Variants in TJP2 observed in about 807,000 individuals in gnomAD.
TJP2 encodes Friedreich ataxia region gene X104 (tight junction protein ZO-2).
A neutral mutation model predicts 133.1 loss-of-function variants in TJP2; 91 were observed. That is an observed-to-expected ratio of 0.68 (90% CI 0.58 to 0.81). The LOEUF (loss-of-function observed/expected upper bound fraction) is 0.81, where lower values mean the gene tolerates loss of function less well. Ranked by LOEUF, TJP2 falls within the 40% of genes least tolerant of loss-of-function variation. TJP2 has a pLI of 0.00. For missense variants in TJP2, 1,541 were observed against 1,565.6 expected (o/e 0.98, Z 0.26); for synonymous variants, 592 against 583.4 (o/e 1.01, Z -0.21).
intron 2 of TJP2, among the ~76,000 whole-genome samples, chr9:69,154,911 A>G (rs1823665591): frequency 6.6e-6 from 1 of 152,164 alleles, no homozygotes; most frequent in Admixed American, 6.5e-5. Context: ...TCACCCCATC[A>G]TATAGGCTTA....
chr9:69,154,366 T>C (rs1037822150), intron 2 of TJP2, among the ~76,000 whole-genome samples: 2 of 152,206 alleles, frequency 1.3e-5, no homozygotes, highest in South Asian at 2.1e-4. Context: ...CAAACCGCTC[T>C]GGACCTGAGG....
At chr9:69,154,783 A>T (rs1823657473) in intron 2 of TJP2, among the ~76,000 whole-genome samples, 1 of 151,616 alleles carries the variant, frequency 6.6e-6, no homozygotes, top group South Asian at 2.1e-4. Flanking sequence ...AATTTTATAT[A>T]AAAAAATTAA....
chr9:69,254,186 C>T (rs1563966472), intron 22 of TJP2, 23 bp from the exon 23 acceptor site: 2 of 1,614,188 alleles, frequency 1.2e-6, no homozygotes, highest in East Asian at 2.2e-5. Flanking sequence ...TCTGGAATGT[C>T]TTTAACACCC....
chr9:69,169,357 T>C (rs1256604378), upstream of TJP2, among the ~76,000 whole-genome samples: 1 of 125,686 alleles, frequency 8.0e-6, no homozygotes, highest in East Asian at 2.6e-4. Context: ...CTTTTCTCTT[T>C]TTTTTTTTTT....
intron 17 of TJP2, chr9:69,246,097 G>C (rs1830907962): frequency 6.2e-6 from 1 of 160,014 alleles, no homozygotes; most frequent in African/African-American, 2.4e-5. Context: ...CATTGTATTA[G>C]GAATTATAAG....
chr9:69,130,134 C>G (rs1275725015), intron 1 of TJP2, among the ~76,000 whole-genome samples: 1 of 152,058 alleles, frequency 6.6e-6, no homozygotes, highest in Non-Finnish European at 1.5e-5. Context: ...AGCTGCACGG[C>G]AGTGTTTTTC....
At chr9:69,235,502 T>C (rs1481723801) in intron 12 of TJP2, among the ~76,000 whole-genome samples, 1 of 151,938 alleles carries the variant, frequency 6.6e-6, no homozygotes, top group Admixed American at 6.6e-5. Context: ...TTTTGTATTT[T>C]TAGTAGAGAC....
chr9:69,127,795 T>G (rs2133221778), intron 1 of TJP2, among the ~76,000 whole-genome samples: 1 of 76,716 alleles, frequency 1.3e-5, no homozygotes, highest in Non-Finnish European at 3.0e-5. Flanking sequence ...GGTTTATCTA[T>G]GGGAGCCGTG....
At chr9:69,249,160 C>A (rs1831145985) in intron 19 of TJP2, 21 of 985,338 alleles carry the variant, frequency 2.1e-5, no homozygotes, top group Non-Finnish European at 2.5e-5. Context: ...AAAAATTGTG[C>A]TTTAAAGGAA....
intron 1 of TJP2, among the ~76,000 whole-genome samples, chr9:69,195,787 C>T (rs867874943): frequency 6.6e-6 from 1 of 152,178 alleles, no homozygotes; most frequent in Non-Finnish European, 1.5e-5. Context: ...GACTCGACTC[C>T]CTTTCTGCAC....
At chr9:69,207,053 G>C (rs919045600) in intron 1 of TJP2, among the ~76,000 whole-genome samples, 4 of 152,086 alleles carry the variant, frequency 2.6e-5, no homozygotes, top group African/African-American at 9.7e-5. Flanking sequence ...TCTGCCTCCT[G>C]CCCAGGTCAC....
intron 2 of TJP2, among the ~76,000 whole-genome samples, chr9:69,213,749 G>C (rs568014493): frequency 3.3e-5 from 5 of 152,114 alleles, no homozygotes; most frequent in Non-Finnish European, 7.3e-5. Context: ...CTTTCCCTGA[G>C]CATTTCATGC....
At chr9:69,156,269 C>G (rs1031105595) in intron 2 of TJP2, among the ~76,000 whole-genome samples, 84 of 152,238 alleles carry the variant, frequency 5.5e-4, no homozygotes, top group African/African-American at 2.0e-3. Context: ...GAAGCTGAGG[C>G]ACCAGAACTG....
chr9:69,132,145 C>T (rs1452980760), intron 1 of TJP2, among the ~76,000 whole-genome samples: 3 of 152,176 alleles, frequency 2.0e-5, no homozygotes, highest in African/African-American at 4.8e-5. Flanking sequence ...CTCACTGCCC[C>T]GGGTTTTTAC....
chr9:69,138,160 G>A lies in TJP2; in HGVS notation c.-130-13491G>A, dbSNP rs150596760. ...TTCTCTCATCTTGAACCAACGTTCC[G>A]CCCGTTCCATACCCAGACCCTCCAT... On this transcript the variant is annotated intron_variant, in intron 1 of 5. Coordinates refer to the TJP2 transcript ENST00000423935. 2.7e-3 allele frequency among the ~76,000 whole-genome samples: 415 copies of A among 152,160 alleles called. 2 individuals carry two copies. The highest frequency in any genetic ancestry group is 9.3e-3 in the African/African-American group (386 of 41,506).
At chr9:69,217,904 T>G (rs1156521891) in intron 3 of TJP2, among the ~76,000 whole-genome samples, 1 of 152,184 alleles carries the variant, frequency 6.6e-6, no homozygotes, top group East Asian at 1.9e-4. Flanking sequence ...TTTTAGACTT[T>G]TCTGAAGCCC....
At chr9:69,147,770 TA>T (rs1234066680) in intron 1 of TJP2, among the ~76,000 whole-genome samples, 2 of 152,216 alleles carry the variant, frequency 1.3e-5, no homozygotes, top group Non-Finnish European at 2.9e-5. Context: ...TAGCCCTTAA[TA>T]AGGGAAGTTG....
chr9:69,184,024 A>T (rs1825688541), intron 1 of TJP2, among the ~76,000 whole-genome samples: 1 of 152,196 alleles, frequency 6.6e-6, no homozygotes. Flanking sequence ...CAGGTTACAG[A>T]TGTTTAACTT....
upstream of TJP2, among the ~76,000 whole-genome samples, chr9:69,173,672 G>C (rs1039842722): frequency 3.3e-5 from 5 of 152,198 alleles, no homozygotes; most frequent in African/African-American, 9.7e-5. Flanking sequence ...GTGTTGGTTA[G>C]CCGGGCAGGC....
Sources: gnomAD v4.1 joint callset for allele counts (sites outside exome capture counted in the v4.1 genomes callset) on GRCh38, gnomAD v4.1.1 for gene constraint, MANE v1.5 for transcripts, NCBI Gene and HGNC (gene_info 2026-07-23, HGNC 2026-07-21) for gene names.